TRABD2B: variants seen among roughly 807,000 people sequenced by gnomAD.
TRABD2B encodes metalloprotease TIKI2.
Under a neutral mutation model 40.1 loss-of-function variants are expected in TRABD2B, and 14 were observed. The observed-to-expected ratio is 0.35, with a 90% confidence interval of 0.23 to 0.55. TRABD2B has a LOEUF of 0.55. TRABD2B is among the 20% of genes least tolerant of loss of function. TRABD2B has a pLI of 0.90. For synonymous variants in TRABD2B, 263 were observed against 277.0 expected (o/e 0.95, Z 0.50); for missense variants, 541 against 648.6 (o/e 0.83, Z 1.80).
chr1:47,871,577 G>A (rs1023287564), intron 2 of TRABD2B, among the ~76,000 whole-genome samples: 10 of 152,170 alleles, frequency 6.6e-5, no homozygotes, highest in African/African-American at 2.2e-4. Context: ...GTTCCTGCAA[G>A]GCTCATACCT....
chr1:47,893,088 G>C, intron 2 of TRABD2B, among the ~76,000 whole-genome samples: 1 of 152,280 alleles, frequency 6.6e-6, no homozygotes, highest in Middle Eastern at 3.4e-3. Context: ...ATGTCCAGAC[G>C]CAGTGTCATC....
At chr1:47,970,708 G>A (rs1645668895) in intron 2 of TRABD2B, among the ~76,000 whole-genome samples, 1 of 152,156 alleles carries the variant, frequency 6.6e-6, no homozygotes, top group African/African-American at 2.4e-5. Context: ...CTCAACCTAT[G>A]TGTCTTGGGG....
chr1:47,891,602 G>C (rs1303132116), intron 2 of TRABD2B, among the ~76,000 whole-genome samples: 1 of 152,100 alleles, frequency 6.6e-6, no homozygotes, highest in Non-Finnish European at 1.5e-5. Context: ...TTCGAGACTA[G>C]CCTGAGCAAC....
At chr1:47,827,090 C>T (rs12083277) in intron 2 of TRABD2B, among the ~76,000 whole-genome samples, 47,384 of 151,914 alleles carry the variant, frequency 0.31, 7,744 homozygotes, top group Non-Finnish European at 0.37. Flanking sequence ...GTGGGGAGGG[C>T]GAGGATGCAG....
At chr1:47,777,046 C>T (rs1211275920) in intron 5 of TRABD2B, among the ~76,000 whole-genome samples, 1 of 152,164 alleles carries the variant, frequency 6.6e-6, no homozygotes, top group Non-Finnish European at 1.5e-5. Context: ...GCTGAGAGTC[C>T]TTGGAGCAGA....
intron 4 of TRABD2B, among the ~76,000 whole-genome samples, chr1:47,786,719 T>G (rs547822900): frequency 9.1e-4 from 138 of 152,286 alleles, no homozygotes; most frequent in African/African-American, 3.2e-3. Flanking sequence ...TGTTTTGTTT[T>G]TTTTTAGAGA....
At chr1:47,992,880 C>T (rs995515139) in intron 2 of TRABD2B, among the ~76,000 whole-genome samples, 1 of 152,220 alleles carries the variant, frequency 6.6e-6, no homozygotes, top group African/African-American at 2.4e-5. Context: ...AACCGACAAA[C>T]CCGCCTTTCA....
At chr1:47,950,215 A>G (rs748675916) in intron 2 of TRABD2B, among the ~76,000 whole-genome samples, 5 of 152,018 alleles carry the variant, frequency 3.3e-5, no homozygotes, top group Non-Finnish European at 5.9e-5. Context: ...AACCTGGGAG[A>G]CAGAGCTTGC....
intron 2 of TRABD2B, among the ~76,000 whole-genome samples, chr1:47,910,056 C>T (rs77143089): frequency 0.21 from 31,299 of 150,960 alleles, 3,555 homozygotes; most frequent in Admixed American, 0.26. Context: ...GATGGGGTTT[C>T]GCCAAGTTGC....
intron 2 of TRABD2B, among the ~76,000 whole-genome samples, chr1:47,978,793 A>G (rs1424046916): frequency 6.6e-6 from 1 of 152,146 alleles, no homozygotes; most frequent in Non-Finnish European, 1.5e-5. Flanking sequence ...TGCCCCACAC[A>G]TGGTTTGAAT....
intron 2 of TRABD2B, among the ~76,000 whole-genome samples, chr1:47,842,064 G>A (rs114509644): frequency 6.6e-6 from 1 of 152,078 alleles, no homozygotes; most frequent in South Asian, 2.1e-4. Context: ...GAACCACTGC[G>A]CCTGGCCGAA....
chr1:47,943,477 C>T (rs748511254), intron 2 of TRABD2B, among the ~76,000 whole-genome samples: 1 of 152,146 alleles, frequency 6.6e-6, no homozygotes, highest in Admixed American at 6.5e-5. Context: ...CACCCTAATG[C>T]AAGACCTTAG....
intron 2 of TRABD2B, among the ~76,000 whole-genome samples, chr1:47,894,836 T>C (rs1231994548): frequency 2.0e-5 from 3 of 152,094 alleles, no homozygotes; most frequent in African/African-American, 7.2e-5. Flanking sequence ...CTCTGCAACA[T>C]GTGCTGAGGA....
chr1:47,771,147 G>A (rs1273282761), intron 6 of TRABD2B, among the ~76,000 whole-genome samples: 2 of 152,128 alleles, frequency 1.3e-5, no homozygotes, highest in South Asian at 2.1e-4. Context: ...TGCCCATCTC[G>A]AACCATCCCA....
At chr1:47,991,550 C>G (rs1291775149) in intron 2 of TRABD2B, among the ~76,000 whole-genome samples, 2 of 152,102 alleles carry the variant, frequency 1.3e-5, no homozygotes, top group African/African-American at 4.8e-5. Context: ...GTGGAAGAAG[C>G]TTTTTCCAGG....
intron 2 of TRABD2B, among the ~76,000 whole-genome samples, chr1:47,986,130 G>T: frequency 6.6e-6 from 1 of 152,282 alleles, no homozygotes; most frequent in African/African-American, 2.4e-5. Flanking sequence ...GGATAGTGAA[G>T]AGGAGAAAAA....
At chr1:47,882,779 T>C (rs1322329474) in intron 2 of TRABD2B, among the ~76,000 whole-genome samples, 5 of 151,990 alleles carry the variant, frequency 3.3e-5, no homozygotes, top group African/African-American at 1.2e-4. Flanking sequence ...GAAATAGCCA[T>C]AAGTTGGTAG....
chr1:47,901,998 A>T (rs1352655608), intron 2 of TRABD2B, among the ~76,000 whole-genome samples: 1 of 152,086 alleles, frequency 6.6e-6, no homozygotes, highest in Admixed American at 6.5e-5. Context: ...TCTCCTCCTG[A>T]TCCCTCCACC....
chr1:47,833,273 C>T (rs955722970), intron 2 of TRABD2B, among the ~76,000 whole-genome samples: 1 of 152,088 alleles, frequency 6.6e-6, no homozygotes, highest in Non-Finnish European at 1.5e-5. Context: ...ACCCTGGGCT[C>T]TTAGGTAGCA....
Sources: allele counts gnomAD v4.1 joint callset (sites outside exome capture counted in the v4.1 genomes callset), GRCh38; gene constraint gnomAD v4.1.1; transcripts MANE v1.5; gene names NCBI Gene and HGNC (gene_info 2026-07-23, HGNC 2026-07-21).